Variants in TRHDE observed in about 807,000 individuals in gnomAD.
The protein encoded by TRHDE is thyrotropin releasing hormone degrading enzyme, also known as thyrotropin-releasing hormone-degrading ectoenzyme.
TRHDE carries 72 observed loss-of-function variants against 125.7 expected under a neutral mutation model. The observed-to-expected ratio is 0.57, with a 90% CI of 0.47 to 0.70. The LOEUF (loss-of-function observed/expected upper bound fraction) is 0.70. TRHDE is among the 30% of genes least tolerant of loss of function. The pLI, the probability that TRHDE is intolerant of heterozygous loss-of-function variation, is 0.00. For synonymous variants in TRHDE, 509 were observed against 509.1 expected (o/e 1.00, Z 0.00); for missense variants, 1,110 against 1,327.1 (o/e 0.84, Z 2.54).
intron 2 of TRHDE, among the ~76,000 whole-genome samples, chr12:72,127,880 T>C (rs530759240): frequency 6.6e-6 from 1 of 152,160 alleles, no homozygotes; most frequent in African/African-American, 2.4e-5. Context: ...TATATGTGTG[T>C]GTATATATAT....
At chr12:72,300,773 A>G (rs574423243) in intron 2 of TRHDE, among the ~76,000 whole-genome samples, 3 of 152,180 alleles carry the variant, frequency 2.0e-5, no homozygotes, top group African/African-American at 7.2e-5. Context: ...CTCAGTAAAT[A>G]TTCAGAGGAT....
rs553555349 is a variant in TRHDE, at chr12:72,479,124, G to A, written c.1584+5944G>A. On this transcript the variant is annotated intron_variant, in intron 5 of 18. Transcript: ENST00000261180. ...GGCATTGGCCATGTTAAGAACATCT[G>A]TTAGAAAGATGAATGAGTAAGGCTG... Among the ~76,000 whole-genome samples the A allele has an allele frequency of 1.4e-4, 22 of 151,736 alleles. No homozygotes were observed. The South Asian group carries it at 3.8e-3, about 26-fold the overall frequency.
intron 3 of TRHDE, among the ~76,000 whole-genome samples, chr12:72,398,558 T>C (rs1260503115): frequency 6.6e-6 from 1 of 152,242 alleles, no homozygotes; most frequent in Non-Finnish European, 1.5e-5. Flanking sequence ...ACTTGACATA[T>C]GGTAGATGTT....
At chr12:72,578,984 G>GTTTTTTTTTTT (rs3081947) in intron 12 of TRHDE, among the ~76,000 whole-genome samples, 1 of 135,944 alleles carries the variant, frequency 7.4e-6, no homozygotes, top group South Asian at 2.3e-4. Context: ...ACTGTTTAGT[G>GTTTTTTTTTTT]TTTTTTTTTT....
chr12:72,583,308 T>C (rs1382072999), intron 12 of TRHDE, among the ~76,000 whole-genome samples: 2 of 152,210 alleles, frequency 1.3e-5, no homozygotes, highest in African/African-American at 4.8e-5. Flanking sequence ...CTCTCAGCCT[T>C]TCTAACCGGT....
Position 72,225,546 on chromosome 12 carries a change from A to G in TRHDE, n.279+119794A>G, listed in dbSNP as rs1422762940. Among the ~76,000 whole-genome samples the G allele has an allele frequency of 3.9e-5, 6 of 152,296 alleles. No homozygotes were observed. The East Asian group carries it at 9.6e-4, about 24-fold the overall frequency. ...TAAGCACAAACACTAAAATTCATTC[A>G]AAAGCTTTTCATCCCAGTTTGGAAA... On this transcript the variant is annotated intron_variant and non_coding_transcript_variant, in intron 2 of 4. Transcript: ENST00000548156.
At chr12:72,115,856 T>C (rs1365075257) in intron 2 of TRHDE, among the ~76,000 whole-genome samples, 2 of 152,176 alleles carry the variant, frequency 1.3e-5, no homozygotes, top group African/African-American at 4.8e-5. Flanking sequence ...TTTAAAAAAA[T>C]TTTACTTCAA....
At chr12:72,315,678 G>T (rs1189112051) in intron 2 of TRHDE, among the ~76,000 whole-genome samples, 1 of 152,240 alleles carries the variant, frequency 6.6e-6, no homozygotes, top group East Asian at 1.9e-4. Context: ...CCCAGGACTG[G>T]TGGTTGAGGC....
intron 5 of TRHDE, among the ~76,000 whole-genome samples, chr12:72,478,516 T>C (rs1877002508): frequency 8.2e-6 from 1 of 122,266 alleles, no homozygotes; most frequent in Non-Finnish European, 1.6e-5. Context: ...TAAACGTCTT[T>C]TTAAGAATAG....
chr12:72,447,993 A>T (rs1256791823), intron 3 of TRHDE, among the ~76,000 whole-genome samples: 2 of 152,114 alleles, frequency 1.3e-5, no homozygotes, highest in African/African-American at 4.8e-5. Flanking sequence ...AGAAAAAAGT[A>T]GCTGATTTCC....
chr12:72,182,795 A>G lies in TRHDE; in HGVS notation n.279+77043A>G, dbSNP rs551278891. ...CCTGTTCAGGGAAGGAAGTGTAGGAAGAGGGTAAAGAGAAGATACACTTCC... is the reference window on the plus strand; with the variant it reads ...CCTGTTCAGGGAAGGAAGTGTAGGAGGAGGGTAAAGAGAAGATACACTTCC... On this transcript the variant is annotated intron_variant and non_coding_transcript_variant, in intron 2 of 4. Coordinates refer to the TRHDE transcript ENST00000548156. Among the ~76,000 whole-genome samples the G allele has an allele frequency of 2.6e-5, 4 of 152,320 alleles. No individual in the cohort carries two copies. In the South Asian group the frequency reaches 8.3e-4, roughly 32 times the overall value.
chr12:72,421,075 A>G (rs1206298166), intron 3 of TRHDE, among the ~76,000 whole-genome samples: 1 of 151,862 alleles, frequency 6.6e-6, no homozygotes, highest in Non-Finnish European at 1.5e-5. Flanking sequence ...TGGGATTGGT[A>G]TCATTTCTAT....
intron 2 of TRHDE, among the ~76,000 whole-genome samples, chr12:72,357,404 T>C (rs1280307512): frequency 6.6e-6 from 1 of 151,586 alleles, no homozygotes; most frequent in Non-Finnish European, 1.5e-5. Context: ...ACCACTGTTA[T>C]ATATCTCTAT....
At chr12:72,483,603 C>T (rs1333078492) in intron 5 of TRHDE, among the ~76,000 whole-genome samples, 1 of 151,892 alleles carries the variant, frequency 6.6e-6, no homozygotes, top group Admixed American at 6.6e-5. Context: ...CTTTTCTCTA[C>T]TAATTATACA....
At chr12:72,514,567 T>C (rs537700902) in intron 6 of TRHDE, among the ~76,000 whole-genome samples, 1 of 151,828 alleles carries the variant, frequency 6.6e-6, no homozygotes, top group African/African-American at 2.4e-5. Context: ...TAAAGATGTA[T>C]AGAAAAGGCA....
At chr12:72,396,213 C>T (rs1349724751) in intron 3 of TRHDE, among the ~76,000 whole-genome samples, 2 of 152,260 alleles carry the variant, frequency 1.3e-5, no homozygotes, top group South Asian at 4.1e-4. Context: ...AAATAAGAAA[C>T]ATTTCCTGAT....
chr12:72,364,883 G>A lies in TRHDE; in HGVS notation c.1189-13112G>A, dbSNP rs143609592. ...TCTTGCTGAAGAAGTTTGATCAGGCGTAAAATAGATAGCTTAATAAGGACA... is the reference window on the plus strand; with the variant it reads ...TCTTGCTGAAGAAGTTTGATCAGGCATAAAATAGATAGCTTAATAAGGACA... On this transcript the variant is annotated intron_variant, in intron 2 of 18. Coordinates refer to ENST00000261180, the MANE Select transcript of TRHDE (RefSeq NM_013381.3). 8.3e-4 allele frequency among the ~76,000 whole-genome samples: 127 copies of A among 152,166 alleles called. 2 individuals are homozygous for A. Among genetic ancestry groups the A allele is most frequent in the African/African-American group, 2.9e-3 (121 of 41,520 alleles).
intron 18 of TRHDE, among the ~76,000 whole-genome samples, chr12:72,662,445 C>T (rs1874953518): frequency 6.6e-6 from 1 of 152,136 alleles, no homozygotes; most frequent in South Asian, 2.1e-4. Flanking sequence ...CCATATCCCT[C>T]CTTTATTCTT....
chr12:72,664,100 T>C lies in TRHDE; in HGVS notation c.*905T>C, dbSNP rs1452599831. 2 of 152,156 alleles carry C rather than the reference T, an allele frequency of 1.3e-5. No individual in the cohort carries two copies. The highest frequency in any genetic ancestry group is 4.8e-5 in the African/African-American group (2 of 41,460). 9.4% of individuals were successfully genotyped at this position (152,156 alleles called of 1,614,324 possible). On this transcript the variant is annotated 3_prime_UTR_variant, in exon 19 of 19. Coordinates refer to ENST00000261180, the MANE Select transcript of TRHDE (RefSeq NM_013381.3). ...TTGAACAGTGGTCTATTCTGCTACA[T>C]GAAGATGAATACAAACAAAATTTTT...
Sources: allele counts gnomAD v4.1 joint callset (sites outside exome capture counted in the v4.1 genomes callset), GRCh38; gene constraint gnomAD v4.1.1; transcripts MANE v1.5; gene names NCBI Gene and HGNC (gene_info 2026-07-23, HGNC 2026-07-21).